PARD3: variants seen among roughly 807,000 people sequenced by gnomAD.
PARD3 encodes partitioning defective 3 homolog.
Under a neutral mutation model 155.4 loss-of-function variants are expected in PARD3, and 75 were observed. The ratio of observed to expected loss-of-function variants is 0.48; its 90% CI spans 0.40 to 0.58. The LOEUF (loss-of-function observed/expected upper bound fraction) is 0.58, where lower values mean the gene tolerates loss of function less well. Ranked by LOEUF, PARD3 falls within the 20% of genes least tolerant of loss-of-function variation. The pLI is 0.00. For missense variants in PARD3, 1,642 were observed against 1,721.7 expected, an observed-to-expected ratio of 0.95 and a Z score of 0.82; for synonymous variants, 576 against 610.5, an observed-to-expected ratio of 0.94 and a Z score of 0.83.
At chr10:34,780,293 G>C (rs1325067806) in intron 1 of PARD3, among the ~76,000 whole-genome samples, 2 of 152,210 alleles carry the variant, frequency 1.3e-5, no homozygotes, top group African/African-American at 4.8e-5. Context: ...AGCACTGGCT[G>C]TAAGTCCAAG....
chr10:34,483,368 G>C (rs998708151), intron 3 of PARD3, among the ~76,000 whole-genome samples: 2 of 151,724 alleles, frequency 1.3e-5, no homozygotes, highest in Non-Finnish European at 2.9e-5. Flanking sequence ...TGTGGTCCCA[G>C]CTACTCTGGA....
chr10:34,290,074 A>G (rs1956601542), intron 20 of PARD3, among the ~76,000 whole-genome samples: 1 of 152,220 alleles, frequency 6.6e-6, no homozygotes. Context: ...AATACTATTG[A>G]AATATTTTAC....
At chr10:34,771,519 A>T (rs1298067830) in intron 1 of PARD3, among the ~76,000 whole-genome samples, 2 of 152,248 alleles carry the variant, frequency 1.3e-5, no homozygotes, top group Non-Finnish European at 2.9e-5. Context: ...CAGCGTGTTA[A>T]TGCAAAACAA....
intron 21 of PARD3, among the ~76,000 whole-genome samples, chr10:34,276,189 T>C (rs1379958526): frequency 6.6e-6 from 1 of 152,074 alleles, no homozygotes; most frequent in East Asian, 1.9e-4. Flanking sequence ...TTTAACTTAA[T>C]AAAGAACTTA....
chr10:34,681,768 A>ATATATTTT (rs1564500729), intron 2 of PARD3, among the ~76,000 whole-genome samples: 1 of 17,404 alleles, frequency 5.7e-5, no homozygotes, highest in African/African-American at 2.5e-4. Context: ...ATATATATAT[A>ATATATTTT]TTTTTTTTTT....
At chr10:34,810,587 T>C (rs372423620) in intron 1 of PARD3, among the ~76,000 whole-genome samples, 4 of 152,348 alleles carry the variant, frequency 2.6e-5, no homozygotes, top group South Asian at 4.1e-4. Flanking sequence ...CTGATTGTGG[T>C]GCTGCACGTC....
chr10:34,196,563 C>CTTTTCTT (rs1202283043), intron 22 of PARD3, among the ~76,000 whole-genome samples: 1 of 138,054 alleles, frequency 7.2e-6, no homozygotes, highest in African/African-American at 2.8e-5. Flanking sequence ...ACTTTGTACC[C>CTTTTCTT]TTTTCTTTTT....
intron 4 of PARD3, among the ~76,000 whole-genome samples, chr10:34,452,739 G>A (rs1032451692): frequency 3.9e-5 from 6 of 152,238 alleles, no homozygotes; most frequent in East Asian, 1.9e-4. Flanking sequence ...CACAAGTCAC[G>A]AAAACGAAAC....
chr10:34,427,713 C>A (rs988174811), intron 5 of PARD3, among the ~76,000 whole-genome samples: 1 of 152,140 alleles, frequency 6.6e-6, no homozygotes. Context: ...GGGGGCATCA[C>A]GGAACCTGCC....
intron 3 of PARD3, among the ~76,000 whole-genome samples, chr10:34,483,063 G>A (rs2079194276): frequency 6.6e-6 from 1 of 152,056 alleles, no homozygotes; most frequent in Non-Finnish European, 1.5e-5. Flanking sequence ...GGTTGAGGCA[G>A]GAGAATAGCT....
At chr10:34,115,281 G>A (rs891365074) in intron 24 of PARD3, among the ~76,000 whole-genome samples, 30 of 152,270 alleles carry the variant, frequency 2.0e-4, no homozygotes, top group African/African-American at 6.0e-4. Flanking sequence ...ACACGGAGCC[G>A]AGGGAGGGGA....
intron 24 of PARD3, among the ~76,000 whole-genome samples, chr10:34,115,385 C>T (rs903309414): frequency 5.9e-5 from 9 of 152,214 alleles, no homozygotes; most frequent in East Asian, 1.9e-4. Flanking sequence ...CCTGTGACTA[C>T]GCACGCCTCT....
chr10:34,362,560 T>G (rs1331109249), intron 12 of PARD3, among the ~76,000 whole-genome samples: 1 of 152,170 alleles, frequency 6.6e-6, no homozygotes, highest in Non-Finnish European at 1.5e-5. Context: ...GGTGGTACAA[T>G]CACTACTCAC....
intron 2 of PARD3, among the ~76,000 whole-genome samples, chr10:34,657,363 A>T (rs554737069): frequency 4.6e-5 from 7 of 152,318 alleles, no homozygotes; most frequent in African/African-American, 1.7e-4. Context: ...TTGGCCTGAA[A>T]TTCATCTGGT....
At chr10:34,758,035 T>C (rs1027652974) in intron 1 of PARD3, among the ~76,000 whole-genome samples, 1 of 152,244 alleles carries the variant, frequency 6.6e-6, no homozygotes, top group Admixed American at 6.5e-5. Flanking sequence ...AAAATGCATC[T>C]GTTCCTGACC....
At chr10:34,662,871 G>GAAAAAAAAAAAAAAAA (rs568672135) in intron 2 of PARD3, among the ~76,000 whole-genome samples, 1 of 123,630 alleles carries the variant, frequency 8.1e-6, no homozygotes, top group African/African-American at 3.0e-5. Flanking sequence ...AACTGTCTCA[G>GAAAAAAAAAAAAAAAA]AAAAAAAAAA....
intron 1 of PARD3, among the ~76,000 whole-genome samples, chr10:34,812,255 T>C (rs1401451757): frequency 6.6e-6 from 1 of 152,212 alleles, no homozygotes; most frequent in Non-Finnish European, 1.5e-5. Flanking sequence ...TCCTTTTTAT[T>C]TTTTATTTTT....
chr10:34,578,859 C>T (rs1175026987), intron 2 of PARD3, among the ~76,000 whole-genome samples: 1 of 152,160 alleles, frequency 6.6e-6, no homozygotes, highest in East Asian at 1.9e-4. Context: ...TTTTTAATTT[C>T]TTCTTTTATA....
At chr10:34,748,577 C>G (rs1034989711) in intron 1 of PARD3, among the ~76,000 whole-genome samples, 11 of 152,120 alleles carry the variant, frequency 7.2e-5, no homozygotes, top group African/African-American at 2.7e-4. Flanking sequence ...CTCCACACCT[C>G]AGACAGAACA....
Sources: allele counts gnomAD v4.1 joint callset (sites outside exome capture counted in the v4.1 genomes callset), GRCh38; gene constraint gnomAD v4.1.1; transcripts MANE v1.5; gene names NCBI Gene and HGNC (gene_info 2026-07-23, HGNC 2026-07-21).